The following TMEM108 variants were observed in gnomAD, a reference collection of about 807,000 sequenced individuals.
TMEM108 encodes the protein cancer/testis antigen 124.
A neutral mutation model predicts 35.1 loss-of-function variants in TMEM108; 12 were observed. The ratio of observed to expected loss-of-function variants is 0.34; its 90% CI spans 0.22 to 0.55. The LOEUF is 0.55. Ranked by LOEUF, TMEM108 falls within the 20% of genes least tolerant of loss-of-function variation. The pLI is 0.89. For synonymous variants in TMEM108, 287 were observed against 308.6 expected (o/e 0.93, Z 0.73); for missense variants, 680 against 753.3 (o/e 0.90, Z 1.14).
intron 3 of TMEM108, among the ~76,000 whole-genome samples, chr3:133,373,235 G>C (rs2072728881): frequency 6.6e-6 from 1 of 151,818 alleles, no homozygotes; most frequent in Non-Finnish European, 1.5e-5. Context: ...TGTAGTCCCA[G>C]CTACTCGGGA....
chr3:133,207,254 G>A (rs1327299591), intron 2 of TMEM108, among the ~76,000 whole-genome samples: 2 of 152,128 alleles, frequency 1.3e-5, no homozygotes, highest in African/African-American at 4.8e-5. Context: ...CTGACTCCTT[G>A]CACTTCCCAG....
At chr3:133,157,895 T>C (rs1165629645) in intron 2 of TMEM108, among the ~76,000 whole-genome samples, 2 of 152,214 alleles carry the variant, frequency 1.3e-5, no homozygotes, top group African/African-American at 4.8e-5. Context: ...AGTGTGACTC[T>C]GTTGAAAGGC....
chr3:133,068,362 C>T (rs750872431), intron 2 of TMEM108, among the ~76,000 whole-genome samples: 6 of 151,918 alleles, frequency 3.9e-5, no homozygotes, highest in African/African-American at 9.7e-5. Context: ...GGCAGCACTT[C>T]GGGCCAAGAG....
chr3:133,075,856 T>C (rs80142279), intron 2 of TMEM108, among the ~76,000 whole-genome samples: 2,514 of 152,074 alleles, frequency 0.017, 67 homozygotes, highest in African/African-American at 0.058. Context: ...TAAGAAGTAG[T>C]AGATAATTTG....
intron 3 of TMEM108, among the ~76,000 whole-genome samples, chr3:133,312,390 A>G (rs889284356): frequency 6.6e-6 from 1 of 152,124 alleles, no homozygotes; most frequent in Non-Finnish European, 1.5e-5. Context: ...GGCTCCACCC[A>G]GTTTGAGCTT....
At position 133,080,960 on chromosome 3, in the gene TMEM108, G is replaced by C. The variant is rs1010973661; in HGVS notation, c.-47+34940G>C. Among the ~76,000 whole-genome samples, 14 of 151,182 alleles carry C rather than the reference G, an allele frequency of 9.3e-5. No individual in the cohort carries two copies. In the South Asian group the frequency reaches 1.1e-3, roughly 12 times the overall value. ...TCTCCTCTGGGTGGCAGAGTCGTTTGATGAAAGGAACATGAACTTTAAGCT... is the reference window on the plus strand; with the variant it reads ...TCTCCTCTGGGTGGCAGAGTCGTTTCATGAAAGGAACATGAACTTTAAGCT... On this transcript the variant is annotated intron_variant, in intron 2 of 5. Transcript: ENST00000321871.
intron 3 of TMEM108, among the ~76,000 whole-genome samples, chr3:133,337,115 G>T (rs192773687): frequency 1.8e-4 from 28 of 152,254 alleles, no homozygotes; most frequent in Admixed American, 5.9e-4. Flanking sequence ...ACCCACCTGG[G>T]GCCTGGAGAA....
At chr3:133,281,087 G>C (rs1307607747) in intron 3 of TMEM108, among the ~76,000 whole-genome samples, 2 of 152,120 alleles carry the variant, frequency 1.3e-5, no homozygotes, top group African/African-American at 2.4e-5. Context: ...CATTGTAAGG[G>C]GCATAAATAC....
intron 2 of TMEM108, among the ~76,000 whole-genome samples, chr3:133,117,739 G>T (rs1354989909): frequency 2.0e-5 from 3 of 152,158 alleles, no homozygotes; most frequent in Non-Finnish European, 4.4e-5. Flanking sequence ...AATGTTAAAT[G>T]AAGATTTTTG....
intron 3 of TMEM108, among the ~76,000 whole-genome samples, chr3:133,276,430 A>T (rs1218325015): frequency 6.6e-6 from 1 of 152,200 alleles, no homozygotes; most frequent in Non-Finnish European, 1.5e-5. Flanking sequence ...AAAATTAGGA[A>T]TGACAAAGAA....
At chr3:133,186,143 C>G (rs1157045994) in intron 2 of TMEM108, among the ~76,000 whole-genome samples, 1 of 152,154 alleles carries the variant, frequency 6.6e-6, no homozygotes, top group Non-Finnish European at 1.5e-5. Flanking sequence ...GCTGGGTGAT[C>G]AAGGTAAATA....
chr3:133,387,273 T>C (rs1167542497), intron 4 of TMEM108: 1 of 985,370 alleles, frequency 1.0e-6, no homozygotes, highest in Non-Finnish European at 1.2e-6. Flanking sequence ...ATGAAGTTCA[T>C]CTTAAGTGAC....
At chr3:133,358,086 C>T (rs2072228567) in intron 3 of TMEM108, among the ~76,000 whole-genome samples, 1 of 152,050 alleles carries the variant, frequency 6.6e-6, no homozygotes, top group Non-Finnish European at 1.5e-5. Flanking sequence ...GCCACAAGCT[C>T]ACTTGTCCTC....
chr3:133,141,577 A>G (rs893150103), intron 2 of TMEM108, among the ~76,000 whole-genome samples: 6 of 152,248 alleles, frequency 3.9e-5, no homozygotes, highest in South Asian at 2.1e-4. Context: ...TGCTGGTAAA[A>G]GGCTTTCAGA....
chr3:133,105,340 G>A (rs937622307), intron 2 of TMEM108, among the ~76,000 whole-genome samples: 1 of 152,154 alleles, frequency 6.6e-6, no homozygotes, highest in Non-Finnish European at 1.5e-5. Flanking sequence ...TGCAAAGCTA[G>A]CAATGGTGGG....
intron 4 of TMEM108, among the ~76,000 whole-genome samples, chr3:133,382,487 G>T (rs986002418): frequency 6.6e-6 from 1 of 152,238 alleles, no homozygotes; most frequent in Non-Finnish European, 1.5e-5. Context: ...TGCCCCCTCT[G>T]GGGTAGCTTC....
intron 2 of TMEM108, among the ~76,000 whole-genome samples, chr3:133,126,293 C>T (rs1197223620): frequency 1.3e-5 from 2 of 151,928 alleles, no homozygotes; most frequent in African/African-American, 2.4e-5. Context: ...GGTTAAACCC[C>T]ATCTCTACTA....
chr3:133,376,376 T>C, intron 3 of TMEM108, among the ~76,000 whole-genome samples: 1 of 152,200 alleles, frequency 6.6e-6, no homozygotes, highest in East Asian at 1.9e-4. Context: ...GACTGCTGTG[T>C]CCTTGGTCTC....
At chr3:133,129,339 C>T (rs561262926) in intron 2 of TMEM108, among the ~76,000 whole-genome samples, 80 of 135,314 alleles carry the variant, frequency 5.9e-4, no homozygotes, top group Admixed American at 3.2e-3. Context: ...AGCAAGACTC[C>T]GCACCCACAC....
Sources: gnomAD v4.1 joint callset for allele counts (sites outside exome capture counted in the v4.1 genomes callset) on GRCh38, gnomAD v4.1.1 for gene constraint, MANE v1.5 for transcripts, NCBI Gene and HGNC (gene_info 2026-07-23, HGNC 2026-07-21) for gene names.